The following ARHGAP10 variants were observed in gnomAD, a reference collection of about 807,000 sequenced individuals.
ARHGAP10 encodes the protein rho GTPase-activating protein 10.
A neutral mutation model predicts 108.6 loss-of-function variants in ARHGAP10; 87 were observed. The observed-to-expected ratio is 0.80, with a 90% CI of 0.67 to 0.96. ARHGAP10 has a LOEUF of 0.96. Among genes scored for constraint, ARHGAP10 ranks in the 40% least tolerant of loss-of-function variants. The probability of loss-of-function intolerance (pLI) is 0.00; values close to 1 mark genes in which losing one functional copy is unlikely to be tolerated. For synonymous variants in ARHGAP10, 347 were observed against 341.1 expected, an observed-to-expected ratio of 1.02 and a Z score of -0.19; for missense variants, 939 against 954.5, an observed-to-expected ratio of 0.98 and a Z score of 0.21.
chr4:148,008,816 G>T (rs1025249300), intron 18 of ARHGAP10, among the ~76,000 whole-genome samples: 2 of 152,024 alleles, frequency 1.3e-5, no homozygotes, highest in African/African-American at 4.8e-5. Flanking sequence ...TTGTAGTGTG[G>T]TGTTTTCCAG....
intron 11 of ARHGAP10, among the ~76,000 whole-genome samples, chr4:147,906,979 A>G (rs57726071): frequency 0.075 from 11,353 of 152,186 alleles, 1,237 homozygotes; most frequent in African/African-American, 0.24. Flanking sequence ...GAGGTCATCT[A>G]AATTCTCAAT....
At chr4:147,841,232 C>G (rs904863353) in intron 3 of ARHGAP10, among the ~76,000 whole-genome samples, 2 of 152,238 alleles carry the variant, frequency 1.3e-5, no homozygotes, top group Non-Finnish European at 2.9e-5. Flanking sequence ...TGTTTCCAAG[C>G]AGAGCTATCC....
intron 3 of ARHGAP10, among the ~76,000 whole-genome samples, chr4:147,824,665 GCAGGGGAAATGC>G (rs1560777210): frequency 1.3e-5 from 2 of 152,172 alleles, no homozygotes; most frequent in African/African-American, 4.8e-5. Context: ...TTGAGTGCAG[GCAGGGGAAATGC>G]CAGATGCTTA....
chr4:147,869,589 A>C (rs1164394165), intron 7 of ARHGAP10, among the ~76,000 whole-genome samples: 1 of 152,170 alleles, frequency 6.6e-6, no homozygotes, highest in African/African-American at 2.4e-5. Context: ...ATTGAAAAAA[A>C]AAAAGCCTTT....
intron 19 of ARHGAP10, among the ~76,000 whole-genome samples, chr4:148,032,333 C>T (rs1389345182): frequency 9.1e-5 from 2 of 21,986 alleles, no homozygotes; most frequent in African/African-American, 3.0e-4. Flanking sequence ...ACTGTCCCCC[C>T]CCCCCCCCCC....
chr4:147,974,012 ATC>A (rs1244900167), intron 18 of ARHGAP10, among the ~76,000 whole-genome samples: 3 of 152,126 alleles, frequency 2.0e-5, no homozygotes, highest in Non-Finnish European at 4.4e-5. Flanking sequence ...GAGTGCAGAT[ATC>A]TCTTTGATAT....
intron 18 of ARHGAP10, among the ~76,000 whole-genome samples, chr4:147,985,574 C>A (rs1209353084): frequency 6.6e-6 from 1 of 152,194 alleles, no homozygotes; most frequent in Non-Finnish European, 1.5e-5. Context: ...ATATTTGTTG[C>A]TCAGTTTTGG....
chr4:147,969,324 CTTTTTTTTTT>C (rs61078731), intron 18 of ARHGAP10, among the ~76,000 whole-genome samples: 2 of 93,832 alleles, frequency 2.1e-5, no homozygotes, highest in South Asian at 3.6e-4. Flanking sequence ...TTTGTTTTGC[CTTTTTTTTTT>C]TTTTTTTTTT....
chr4:147,998,803 A>G (rs757671914), intron 18 of ARHGAP10, among the ~76,000 whole-genome samples: 1 of 152,256 alleles, frequency 6.6e-6, no homozygotes, highest in Non-Finnish European at 1.5e-5. Flanking sequence ...AATTGTAGCT[A>G]CTTCCTAAAT....
At chr4:148,055,833 G>C (rs1416145538) in intron 20 of ARHGAP10, among the ~76,000 whole-genome samples, 1 of 152,158 alleles carries the variant, frequency 6.6e-6, no homozygotes, top group Non-Finnish European at 1.5e-5. Flanking sequence ...GGAAAGCACT[G>C]GGTATGTGTG....
At chr4:147,822,624 C>T (rs767831325) in intron 1 of ARHGAP10, 103 bp from the exon 2 acceptor site, 22 of 1,146,044 alleles carry the variant, frequency 1.9e-5, no homozygotes, top group African/African-American at 7.7e-5. Flanking sequence ...ATAGATTGAG[C>T]GGAGGAGAGC....
At position 147,905,176 on chromosome 4, in the gene ARHGAP10, G is replaced by A. The variant is rs555353844; in HGVS notation, c.1035-1462G>A. Among the ~76,000 whole-genome samples, 1,242 of 152,188 alleles carry A rather than the reference G, an allele frequency of 8.2e-3. 17 individuals carry two copies. Among genetic ancestry groups the A allele is most frequent in the African/African-American group, 0.029 (1,189 of 41,492 alleles). ...GGTTGCGAAAATTTTCTCCCATTTT[G>A]TAGGTTGCCTGATCACTCTGATGGT... On this transcript the variant is annotated intron_variant, in intron 10 of 22. Coordinates refer to ENST00000336498, the MANE Select transcript of ARHGAP10 (RefSeq NM_024605.4).
intron 1 of ARHGAP10, among the ~76,000 whole-genome samples, chr4:147,798,611 C>T (rs1254017296): frequency 6.6e-6 from 1 of 151,680 alleles, no homozygotes; most frequent in East Asian, 1.9e-4. Flanking sequence ...GAAACCCCGT[C>T]TCTACTAAAA....
chr4:147,826,394 G>A (rs1732708316), intron 3 of ARHGAP10, among the ~76,000 whole-genome samples: 1 of 152,180 alleles, frequency 6.6e-6, no homozygotes, highest in Admixed American at 6.5e-5. Flanking sequence ...GGGTAGGAAC[G>A]AGAATAGGGT....
chr4:147,758,607 T>G (rs969246257), intron 1 of ARHGAP10, among the ~76,000 whole-genome samples: 1 of 152,164 alleles, frequency 6.6e-6, no homozygotes, highest in African/African-American at 2.4e-5. Context: ...TTCTCCATTC[T>G]TTGTCCCCTG....
At chr4:148,063,047 A>AG (rs1729691765) in intron 20 of ARHGAP10, 101 bp from the exon 21 acceptor site, 15 of 1,401,714 alleles carry the variant, frequency 1.1e-5, no homozygotes, top group Non-Finnish European at 1.3e-5. Flanking sequence ...CAGGCATGAT[A>AG]GGGGAATTAG....
rs146466221 is a variant in ARHGAP10, at chr4:147,839,114, A to G, written c.313-8037A>G. ...ATCGTATCTATCTATCTATCTATCT[A>G]TCTATCTATCTATCTATCTATCTAT... On this transcript the variant is annotated intron_variant, in intron 3 of 22. Coordinates refer to ENST00000336498, the MANE Select transcript of ARHGAP10 (RefSeq NM_024605.4). Among the ~76,000 whole-genome samples the G allele has an allele frequency of 2.0e-3, 291 of 145,094 alleles. 3 individuals are homozygous for G. The highest frequency in any genetic ancestry group is 5.8e-3 in the African/African-American group (233 of 39,912).
At chr4:147,766,598 A>G (rs569054665) in intron 1 of ARHGAP10, among the ~76,000 whole-genome samples, 265 of 140,348 alleles carry the variant, frequency 1.9e-3, no homozygotes, top group African/African-American at 6.1e-3. Flanking sequence ...ACATATATGT[A>G]TGTGTGTATA....
In ARHGAP10 at chr4:147,802,535, C is replaced by T. The variant is rs1477443091; in HGVS notation, c.155-20192C>T. ...CCCCTTTGGACCATGTTTGTAGCCTCTCTGTCCTCAGCAGAGTGTCTCTAC... is the reference window on the plus strand; with the variant it reads ...CCCCTTTGGACCATGTTTGTAGCCTTTCTGTCCTCAGCAGAGTGTCTCTAC... On this transcript the variant is annotated intron_variant, in intron 1 of 22. Transcript: ENST00000336498. Among the ~76,000 whole-genome samples the T allele has an allele frequency of 3.9e-5, 6 of 152,358 alleles. No homozygotes were observed. The East Asian group carries it at 1.2e-3, about 29-fold the overall frequency.
Sources: allele counts gnomAD v4.1 joint callset (sites outside exome capture counted in the v4.1 genomes callset), GRCh38; gene constraint gnomAD v4.1.1; transcripts MANE v1.5; gene names NCBI Gene and HGNC (gene_info 2026-07-23, HGNC 2026-07-21).